CAP2: variants seen among roughly 807,000 people sequenced by gnomAD.
CAP2 encodes adenylyl cyclase-associated protein 2.
Under a neutral mutation model 57.7 loss-of-function variants are expected in CAP2, and 24 were observed. That is an observed-to-expected ratio of 0.42 (90% confidence interval 0.30 to 0.58). CAP2 has a LOEUF of 0.58. Among genes scored for constraint, CAP2 ranks in the 20% least tolerant of loss-of-function variants. The probability of loss-of-function intolerance (pLI) is 0.22; values close to 1 mark genes in which losing one functional copy is unlikely to be tolerated. For synonymous variants in CAP2, 194 were observed against 207.2 expected, an observed-to-expected ratio of 0.94 and a Z score of 0.55; for missense variants, 501 against 590.3, an observed-to-expected ratio of 0.85 and a Z score of 1.57.
intron 3 of CAP2, among the ~76,000 whole-genome samples, chr6:17,427,448 C>G (rs147278773): frequency 6.6e-6 from 1 of 152,158 alleles, no homozygotes; most frequent in East Asian, 1.9e-4. Flanking sequence ...CTGTAAAATG[C>G]GGCCTGAGGA....
chr6:17,403,002 C>T lies in CAP2; in HGVS notation c.-2+9256C>T, dbSNP rs572553739. 4.3e-4 allele frequency among the ~76,000 whole-genome samples: 65 copies of T among 152,284 alleles called. No homozygotes were observed. The South Asian group carries it at 5.2e-3, about 12-fold the overall frequency. ...TTCTATAACAAAATTCCTCCCATTTCCATCTCCTCATTATGTTTCCCAGCA... is the reference window on the plus strand; with the variant it reads ...TTCTATAACAAAATTCCTCCCATTTTCATCTCCTCATTATGTTTCCCAGCA... On this transcript the variant is annotated intron_variant, in intron 1 of 12. Coordinates refer to ENST00000229922, the MANE Select transcript of CAP2 (RefSeq NM_006366.3).
At chr6:17,423,112 GA>G (rs1186673591) in intron 2 of CAP2, among the ~76,000 whole-genome samples, 1 of 152,130 alleles carries the variant, frequency 6.6e-6, no homozygotes, top group Non-Finnish European at 1.5e-5. Context: ...TTTGGGCTGA[GA>G]AAAGCCGTGG....
chr6:17,429,208 G>A (rs771531946), intron 3 of CAP2, among the ~76,000 whole-genome samples: 1 of 152,082 alleles, frequency 6.6e-6, no homozygotes, highest in Non-Finnish European at 1.5e-5. Flanking sequence ...ACTCCTGAAC[G>A]CTAACATACA....
chr6:17,484,672 A>G (rs886389039), intron 4 of CAP2, among the ~76,000 whole-genome samples: 1 of 152,186 alleles, frequency 6.6e-6, no homozygotes, highest in Admixed American at 6.5e-5. Context: ...TAGTGTTTAT[A>G]TGGAGCCGGG....
At chr6:17,484,168 C>T (rs550959896) in intron 4 of CAP2, among the ~76,000 whole-genome samples, 124 of 151,912 alleles carry the variant, frequency 8.2e-4, no homozygotes, top group Non-Finnish European at 1.6e-3. Flanking sequence ...TTTGGCAGAC[C>T]GAAATCAAAG....
At chr6:17,506,075 T>A (rs1761975543) in intron 4 of CAP2, among the ~76,000 whole-genome samples, 1 of 152,148 alleles carries the variant, frequency 6.6e-6, no homozygotes, top group East Asian at 1.9e-4. Context: ...TTCACATTTT[T>A]TTTTGTAGAA....
intron 1 of CAP2, among the ~76,000 whole-genome samples, chr6:17,397,203 A>G (rs13194283): frequency 0.27 from 40,799 of 151,584 alleles, 5,556 homozygotes; most frequent in South Asian, 0.35. Context: ...GGGATTACAG[A>G]CGCGGGCCAC....
chr6:17,518,532 G>A (rs1442964049), intron 7 of CAP2, among the ~76,000 whole-genome samples: 1 of 152,098 alleles, frequency 6.6e-6, no homozygotes, highest in Non-Finnish European at 1.5e-5. Flanking sequence ...TCACAACTCT[G>A]TAAAAACTAT....
chr6:17,424,134 G>A (rs1759517808), intron 2 of CAP2, among the ~76,000 whole-genome samples: 1 of 152,026 alleles, frequency 6.6e-6, no homozygotes, highest in Non-Finnish European at 1.5e-5. Context: ...GGACGCAGTG[G>A]CTCACGCCTG....
At chr6:17,445,450 T>G (rs560742623) in intron 3 of CAP2, among the ~76,000 whole-genome samples, 1 of 152,274 alleles carries the variant, frequency 6.6e-6, no homozygotes, top group South Asian at 2.1e-4. Context: ...GAAATAGAAT[T>G]TCGTTTGGTT....
chr6:17,484,225 G>A (rs989448218), intron 4 of CAP2, among the ~76,000 whole-genome samples: 12 of 151,982 alleles, frequency 7.9e-5, no homozygotes, highest in African/African-American at 1.7e-4. Context: ...CCCTGATAGC[G>A]AAGATGTTGT....
chr6:17,516,362 T>C (rs1332948926), intron 7 of CAP2, among the ~76,000 whole-genome samples: 1 of 152,222 alleles, frequency 6.6e-6, no homozygotes, highest in Non-Finnish European at 1.5e-5. Context: ...AGGGGACTCT[T>C]AGAATGTTTC....
chr6:17,524,334 T>C (rs994558082), intron 7 of CAP2, among the ~76,000 whole-genome samples: 1 of 152,186 alleles, frequency 6.6e-6, no homozygotes, highest in Non-Finnish European at 1.5e-5. Context: ...GTGTTCTATT[T>C]AGAACTGTTT....
Position 17,507,549 on chromosome 6 carries a change from G to A in CAP2, c.445-92G>A, listed in dbSNP as rs118158788. The A allele has an allele frequency of 1.1e-3, 927 of 868,466 alleles. 9 individuals are homozygous for A. The highest frequency in any genetic ancestry group is 9.2e-3 in the East Asian group (379 of 41,328). The allele number at this position is 868,466 out of a possible 1,614,324, so 53.8% of individuals were successfully genotyped here. On this transcript the variant is annotated intron_variant, in intron 5 of 12. Coordinates refer to ENST00000229922, the MANE Select transcript of CAP2 (RefSeq NM_006366.3). ...GTGCCTCCCACTTTCAAGTCCACGCGTCTCCATTGCTTTTCTTCTTCTTTA... is the reference window on the plus strand; with the variant it reads ...GTGCCTCCCACTTTCAAGTCCACGCATCTCCATTGCTTTTCTTCTTCTTTA...
rs987625633 is a variant in CAP2, at chr6:17,485,148, GT to G, written c.301-22011del. 3.4e-3 allele frequency among the ~76,000 whole-genome samples: 502 copies of G among 149,244 alleles called. 4 individuals are homozygous for G. The highest frequency in any genetic ancestry group is 8.9e-3 in the Admixed American group (133 of 14,966). ...GAAATAACTAGATTCCCAGTCCTGG[GT>G]TTTTTTTTTCTCAGTCCTGTTATAA... On this transcript the variant is annotated intron_variant, in intron 4 of 12. Transcript: ENST00000229922.
intron 4 of CAP2, among the ~76,000 whole-genome samples, chr6:17,484,053 A>G (rs886565985): frequency 6.6e-6 from 1 of 152,048 alleles, no homozygotes; most frequent in African/African-American, 2.4e-5. Flanking sequence ...TTGGTCTGCC[A>G]GCCTGAGATG....
intron 4 of CAP2, among the ~76,000 whole-genome samples, chr6:17,470,184 T>C (rs888394634): frequency 2.0e-5 from 3 of 152,226 alleles, no homozygotes; most frequent in Non-Finnish European, 2.9e-5. Context: ...TTTTTCTCGG[T>C]ATCTACTGGA....
chr6:17,501,449 G>T (rs1178195097), intron 4 of CAP2, among the ~76,000 whole-genome samples: 1 of 152,038 alleles, frequency 6.6e-6, no homozygotes, highest in Non-Finnish European at 1.5e-5. Flanking sequence ...AGCATATATT[G>T]ATTTTTATAA....
intron 4 of CAP2, among the ~76,000 whole-genome samples, chr6:17,483,572 G>A (rs2113625492): frequency 6.6e-6 from 1 of 152,290 alleles, no homozygotes; most frequent in East Asian, 1.9e-4. Context: ...AATGGGATAA[G>A]GCAGGGCTTA....
Sources: gnomAD v4.1 joint callset for allele counts (sites outside exome capture counted in the v4.1 genomes callset) on GRCh38, gnomAD v4.1.1 for gene constraint, MANE v1.5 for transcripts, NCBI Gene and HGNC (gene_info 2026-07-23, HGNC 2026-07-21) for gene names.